ARAP3: variants seen among roughly 807,000 people sequenced by gnomAD.
The protein encoded by ARAP3 is ArfGAP with RhoGAP domain, ankyrin repeat and PH domain 3, also known as arf-GAP with Rho-GAP domain, ANK repeat and PH domain-containing protein 3.
In ARAP3, 82 loss-of-function variants were observed where a neutral mutation model predicts 169.2. That is an observed-to-expected ratio of 0.48 (90% CI 0.41 to 0.58). The LOEUF is 0.58. Among genes scored for constraint, ARAP3 ranks in the 20% least tolerant of loss-of-function variants. The pLI, the probability that ARAP3 is intolerant of heterozygous loss-of-function variation, is 0.00. For synonymous variants in ARAP3, 791 were observed against 800.3 expected, an observed-to-expected ratio of 0.99 and a Z score of 0.20; for missense variants, 1,764 against 2,018.0, an observed-to-expected ratio of 0.87 and a Z score of 2.41.
intron 1 of ARAP3, among the ~76,000 whole-genome samples, 160 bp downstream of exon 1, chr5:141,682,013 G>A (rs1406798066): frequency 6.6e-6 from 1 of 151,884 alleles, no homozygotes; most frequent in African/African-American, 2.4e-5. Flanking sequence ...GGGCGAGGAG[G>A]GATGGGGCAG....
chr5:141,681,954 C>T (rs1178619503), intron 1 of ARAP3, among the ~76,000 whole-genome samples: 1 of 96,128 alleles, frequency 1.0e-5, no homozygotes, highest in Non-Finnish European at 2.2e-5. Context: ...ACAGGAGTGG[C>T]GGGGGCGGGG....
Position 141,656,606 on chromosome 5 carries a change from C to T in ARAP3, c.3687G>A (p.Leu1229=). ...GAGGTGGCTCCTCACGACACCGCAA[C>T]AGCCCCACCCGTGGGCTCTCACGTC... ...GIRRESPRVG[L]LRCREEPPRL... is the part of the protein sequence containing the mutation. The change falls in exon 27 of 33, where the codon CTG becomes CTA. Residue 1229 remains leucine (L), a synonymous_variant. Transcript: ENST00000239440. The T allele has an allele frequency of 6.2e-7, 1 of 1,613,336 alleles. No homozygotes were observed.
In ARAP3 at chr5:141,673,953, T is replaced by C. The variant is rs971930208; in HGVS notation, c.699-145A>G. 3 of 717,494 alleles carry C rather than the reference T, an allele frequency of 4.2e-6. No homozygotes were observed. In the African/African-American group the frequency reaches 5.8e-5, roughly 14 times the overall value. 44.4% of individuals were successfully genotyped at this position (717,494 alleles called of 1,614,324 possible). A position where few individuals can be genotyped will look rare whatever the true frequency, so the allele number is the denominator to read the frequency against. On this transcript the variant is annotated intron_variant, in intron 4 of 32. Coordinates refer to ENST00000239440, the MANE Select transcript of ARAP3 (RefSeq NM_022481.6). ...TGATTTTCTTTTCTTTTTCTTTTCTTTTCTTCTTTTTTTTTTTTTTTTTTT... is the reference window on the plus strand; with the variant it reads ...TGATTTTCTTTTCTTTTTCTTTTCTCTTCTTCTTTTTTTTTTTTTTTTTTT...
In ARAP3 at chr5:141,662,104, A is replaced by G. The variant is rs1324006254; in HGVS notation, c.2952T>C (p.Phe984=). The change falls in exon 20 of 33, where the codon TTT becomes TTC. Residue 984 remains phenylalanine (F), a synonymous_variant. Coordinates refer to ENST00000239440, the MANE Select transcript of ARAP3 (RefSeq NM_022481.6). ...AGGTCACAGGGTCATCGAGCTCACG[A>G]AAGAAGCGTTTGAGTGTGTCAGTGA... ...EDVTDTLKRF[F]RELDDPVTSA... 1 of 1,614,202 alleles carries G rather than the reference A, an allele frequency of 6.2e-7. No homozygotes were observed. The highest frequency in any genetic ancestry group is 8.5e-7 in the Non-Finnish European group (1 of 1,180,032).
chr5:141,679,501 C>T, intron 4 of ARAP3, 44 bp downstream of exon 4: 2 of 1,584,790 alleles, frequency 1.3e-6, no homozygotes, highest in Non-Finnish European at 8.6e-7. Context: ...CCGCCACCGA[C>T]TCACCTGCTC....
At chr5:141,660,007 C>A in intron 21 of ARAP3, 81 bp from the exon 22 acceptor site, 2 of 1,475,916 alleles carry the variant, frequency 1.4e-6, no homozygotes, top group South Asian at 1.4e-5. Flanking sequence ...TATGCCTGGG[C>A]TAAGTGCTTG....
Position 141,671,667 on chromosome 5 carries a change from G to C in ARAP3, c.1757C>G (p.Thr586Ser), listed in dbSNP as rs1191675613. Residue 586 changes from threonine to serine, a missense_variant, in exon 12 of 33, where the codon ACC becomes AGC. Thr to Ser is a moderately conservative substitution (Grantham distance 58, BLOSUM62 1). Coordinates refer to ENST00000239440, the MANE Select transcript of ARAP3 (RefSeq NM_022481.6). This position sits in a 1 kb window ranked among gnomAD's most constrained non-coding sequence, Gnocchi z 4.9. ...PPGEGLHPDA[T>S]PGPRGEFISR... ...GATGAACTCTCCCCGGGGGCCAGGGGTCGCATCTGGATGTAGTCCCTCACC... is the reference window on the plus strand; with the variant it reads ...GATGAACTCTCCCCGGGGGCCAGGGCTCGCATCTGGATGTAGTCCCTCACC... 8.7e-6 allele frequency: 14 copies of C among 1,613,938 alleles called. No homozygotes were observed. The highest frequency in any genetic ancestry group is 1.2e-5 in the Non-Finnish European group (14 of 1,179,910).
intron 4 of ARAP3, among the ~76,000 whole-genome samples, chr5:141,674,127 C>A (rs973329820): frequency 6.6e-6 from 1 of 152,102 alleles, no homozygotes; most frequent in East Asian, 1.9e-4. Flanking sequence ...CCACGCCTGG[C>A]TAATTTTGTA....
chr5:141,656,195 G>T lies in ARAP3; in HGVS notation c.3871C>A (p.Pro1291Thr). The part of the protein sequence containing the change: ...GIRKKLKPPT[P>T]WGFTLILEKM... ...TGCGGGCTGGGGAAGAAAACTCACGGTGTTGGGGGCTTTAACTTCTTGCGG... is the reference window on the plus strand; with the variant it reads ...TGCGGGCTGGGGAAGAAAACTCACGTTGTTGGGGGCTTTAACTTCTTGCGG... Residue 1291 changes from proline (P) to threonine (T), a missense_variant and splice_region_variant, in exon 28 of 33, where the codon CCG becomes ACG. Physicochemically the swap from Pro to Thr is conservative, Grantham distance 38. Around this residue, in one of 3 missense-constraint regions of ARAP3, gnomAD observed 1,112 missense variants for 1,285.7 expected, o/e 0.86. Transcript: ENST00000239440. The T allele has an allele frequency of 6.2e-7, 1 of 1,614,166 alleles. No homozygotes were observed. The highest frequency in any genetic ancestry group is 1.1e-5 in the South Asian group (1 of 91,088).
At chr5:141,673,328 C>T in intron 6 of ARAP3, 73 bp downstream of exon 6, 1 of 1,596,638 alleles carries the variant, frequency 6.3e-7, no homozygotes, top group Non-Finnish European at 8.6e-7. Context: ...GGACTTCCCT[C>T]CTTCCAATTC....
chr5:141,677,228 TA>T (rs1431854316), intron 4 of ARAP3, among the ~76,000 whole-genome samples: 2 of 152,230 alleles, frequency 1.3e-5, no homozygotes, highest in Admixed American at 1.3e-4. Flanking sequence ...TTTTACTACA[TA>T]AAAATTCTGT....
At chr5:141,675,051 C>T (rs1406231774) in intron 4 of ARAP3, among the ~76,000 whole-genome samples, 4 of 152,230 alleles carry the variant, frequency 2.6e-5, no homozygotes, top group Admixed American at 2.6e-4. Context: ...GGCCACTCCC[C>T]TGACTGCATC....
chr5:141,654,826 G>T (rs1241518708), intron 32 of ARAP3, among the ~76,000 whole-genome samples: 1 of 150,478 alleles, frequency 6.6e-6, no homozygotes, highest in East Asian at 2.0e-4. Context: ...TGCAACCTCC[G>T]CCTCCCAGGT....
At chr5:141,659,130 T>C (rs969442051) in intron 23 of ARAP3, among the ~76,000 whole-genome samples, 1 of 152,222 alleles carries the variant, frequency 6.6e-6, no homozygotes, top group Admixed American at 6.5e-5. Flanking sequence ...CTTAGTAGTA[T>C]GGTCTCACTT....
intron 4 of ARAP3, among the ~76,000 whole-genome samples, chr5:141,675,958 T>C (rs1229914504): frequency 6.6e-6 from 1 of 152,162 alleles, no homozygotes; most frequent in Non-Finnish European, 1.5e-5. Context: ...TCCTCTCACC[T>C]ACACAATCAC....
intron 25 of ARAP3, 47 bp downstream of exon 25, chr5:141,658,318 C>T: frequency 6.4e-7 from 1 of 1,572,492 alleles, no homozygotes. Flanking sequence ...CACAACCACA[C>T]ACACGCATAT....
intron 16 of ARAP3, 52 bp downstream of exon 16, chr5:141,669,657 C>A: frequency 1.3e-6 from 2 of 1,543,220 alleles, no homozygotes; most frequent in Non-Finnish European, 1.8e-6. Flanking sequence ...GATGGGAGCA[C>A]GTGGGGACAA....
At position 141,666,482 on chromosome 5, in the gene ARAP3, C is replaced by A. The variant is rs761889802; in HGVS notation, c.2514G>T (p.Pro838=). ...CCTCAGGGGCTGGGGGGCCTGGGCC[C>A]GGCGCTGAGCACAGGAAGAGGTGGT... The part of the protein sequence containing the change: ...RGDHLFLCSA[P]GPGPPAPEDM... The change falls in exon 17 of 33, where the codon CCG becomes CCT. Residue 838 remains proline, a synonymous_variant. Coordinates refer to ENST00000239440, the MANE Select transcript of ARAP3 (RefSeq NM_022481.6). 33 of 1,598,952 alleles carry A rather than the reference C, an allele frequency of 2.1e-5. No individual in the cohort carries two copies. Among genetic ancestry groups the A allele is most frequent in the Non-Finnish European group, 2.7e-5 (32 of 1,172,784 alleles).
chr5:141,668,632 G>A (rs2099911008), intron 16 of ARAP3, among the ~76,000 whole-genome samples: 1 of 152,166 alleles, frequency 6.6e-6, no homozygotes, highest in Non-Finnish European at 1.5e-5. Context: ...AAACCTGGTT[G>A]GGAGGGCCAC....
Sources: gnomAD v4.1 joint callset for allele counts (sites outside exome capture counted in the v4.1 genomes callset) on GRCh38, gnomAD v4.1.1 for gene constraint, gnomAD v4.1.1 regional missense constraint, Gnocchi (gnomAD v3.1) non-coding constraint, MANE v1.5 for transcripts, NCBI Gene and HGNC (gene_info 2026-07-23, HGNC 2026-07-21) for gene names.